Variants in SF3B3 observed in about 807,000 individuals in gnomAD.
SF3B3 encodes SAP 130.
SF3B3 carries 33 observed loss-of-function variants against 139.2 expected under a neutral mutation model. The observed-to-expected ratio is 0.24, with a 90% CI of 0.18 to 0.32. The LOEUF is 0.32. Ranked by LOEUF, SF3B3 falls within the 10% of genes least tolerant of loss-of-function variation. The probability of loss-of-function intolerance (pLI) is 1.00; values close to 1 mark genes in which losing one functional copy is unlikely to be tolerated. For synonymous variants in SF3B3, 596 were observed against 563.6 expected (o/e 1.06, Z -0.81); for missense variants, 818 against 1,509.4 (o/e 0.54, Z 7.59).
At chr16:70,535,819 A>G (rs1459946914) in intron 6 of SF3B3, among the ~76,000 whole-genome samples, 1 of 152,042 alleles carries the variant, frequency 6.6e-6, no homozygotes. Flanking sequence ...ACAATGAACA[A>G]TGAATTCCCA....
At chr16:70,565,921 A>T (rs908706828) in intron 20 of SF3B3, among the ~76,000 whole-genome samples, 3 of 152,018 alleles carry the variant, frequency 2.0e-5, no homozygotes, top group Admixed American at 2.0e-4. Context: ...GTTCGAGACC[A>T]GCCCGGCCAA....
Position 70,565,202 on chromosome 16 carries a change from A to G in SF3B3, c.2601A>G (p.Arg867=). 6.2e-7 allele frequency: 1 copy of G among 1,614,200 alleles called. No homozygotes were observed. Among genetic ancestry groups the G allele is most frequent in the Non-Finnish European group, 8.5e-7 (1 of 1,180,036 alleles). ...ATGGGCAGTGGGCCTCTGTGATCCG[A>G]GTGATGAATCCCATTCAAGGGAACA... ...AGNGQWASVI[R]VMNPIQGNTL... Residue 867 remains arginine (R), a synonymous_variant, in exon 19 of 26, where the codon CGA becomes CGG. Transcript: ENST00000302516.
At chr16:70,537,092 A>T (rs948793012) in intron 6 of SF3B3, among the ~76,000 whole-genome samples, 7 of 152,176 alleles carry the variant, frequency 4.6e-5, no homozygotes, top group African/African-American at 1.7e-4. Flanking sequence ...TACAGGCGTG[A>T]GCCACTGCGC....
chr16:70,531,449 G>A lies in SF3B3; in HGVS notation c.570+532G>A, dbSNP rs111935128. On this transcript the variant is annotated intron_variant, in intron 4 of 25. Transcript: ENST00000302516. ...CTGCCACAACGCCCAGCTAATTTTT[G>A]TATTTTTAGTAGAGATGGGGTTTCA... Among the ~76,000 whole-genome samples, 15 of 152,174 alleles carry A rather than the reference G, an allele frequency of 9.9e-5. 1 individual carries two copies. Among genetic ancestry groups the A allele is most frequent in the African/African-American group, 3.6e-4 (15 of 41,542 alleles).
intron 24 of SF3B3, 142 bp downstream of exon 24, chr16:70,570,291 G>T: frequency 4.4e-6 from 3 of 678,158 alleles, no homozygotes; most frequent in Non-Finnish European, 6.9e-6. Flanking sequence ...TACTTGGGGA[G>T]ATAGGAATCT....
intron 11 of SF3B3, among the ~76,000 whole-genome samples, chr16:70,552,560 G>A (rs2050337782): frequency 6.6e-6 from 1 of 152,166 alleles, no homozygotes. Context: ...TTTGATATAT[G>A]TTGACAGTTC....
chr16:70,527,275 T>G (rs1186504847), intron 2 of SF3B3, among the ~76,000 whole-genome samples: 1 of 152,244 alleles, frequency 6.6e-6, no homozygotes, highest in Non-Finnish European at 1.5e-5. Flanking sequence ...AGGCTAGGTT[T>G]GAATTGTGTG....
At chr16:70,555,474 T>A (rs2050370919) in intron 13 of SF3B3, among the ~76,000 whole-genome samples, 1 of 99,912 alleles carries the variant, frequency 1.0e-5, no homozygotes, top group Non-Finnish European at 1.9e-5. Flanking sequence ...CAAGACTCCG[T>A]CTCAAAAAAA....
At position 70,568,316 on chromosome 16, in the gene SF3B3, A is replaced by G. The variant is rs145819762; in HGVS notation, c.2986A>G (p.Ile996Val). Residue 996 changes from isoleucine (I) to valine (V), a missense_variant, in exon 22 of 26, where the codon ATC becomes GTC. Ile to Val is a conservative substitution (Grantham distance 29). Transcript: ENST00000302516. ...CAATTATATCTCTGGGATCCAGACTATCGGACATAGGGTAATTGTATCTGA... is the reference window on the plus strand; with the variant it reads ...CAATTATATCTCTGGGATCCAGACTGTCGGACATAGGGTAATTGTATCTGA... ...IANYISGIQT[I>V]GHRVIVSDVQ... is the part of the protein sequence containing the mutation. 2.2e-3 allele frequency: 3,564 copies of G among 1,613,212 alleles called. 6 individuals carry two copies. Among genetic ancestry groups the G allele is most frequent in the Non-Finnish European group, 2.6e-3 (3,103 of 1,179,170 alleles).
Position 70,526,672 on chromosome 16 carries a change from T to C in SF3B3, c.16T>C (p.Leu6=), listed in dbSNP as rs1567407223. MFLYN[L]TLQRATGISF... The stretch of plus-strand genomic sequence containing the variant: ...TCCTGCAGCCATGTTTCTGTACAAC[T>C]TAACCTTGCAGAGAGCCACTGGCAT... Residue 6 remains leucine, a synonymous_variant, in exon 2 of 26, where the codon TTA becomes CTA. Coordinates refer to ENST00000302516, the MANE Select transcript of SF3B3 (RefSeq NM_012426.5). 3.1e-6 allele frequency: 5 copies of C among 1,614,046 alleles called. No individual in the cohort carries two copies. Among genetic ancestry groups the C allele is most frequent in the African/African-American group, 1.3e-5 (1 of 74,944 alleles).
chr16:70,553,346 G>T (rs960817590), intron 11 of SF3B3, among the ~76,000 whole-genome samples: 1 of 152,104 alleles, frequency 6.6e-6, no homozygotes, highest in Non-Finnish European at 1.5e-5. Flanking sequence ...TGCCCTTCAT[G>T]TGGGTGGGTG....
intron 6 of SF3B3, 131 bp downstream of exon 6, chr16:70,535,551 C>A: frequency 2.3e-6 from 1 of 441,858 alleles, no homozygotes; most frequent in Non-Finnish European, 4.1e-6. Flanking sequence ...GGGGCAGGGA[C>A]GTAAATGTTG....
chr16:70,565,556 T>C, intron 20 of SF3B3, 32 bp downstream of exon 20: 1 of 1,591,280 alleles, frequency 6.3e-7, no homozygotes. Flanking sequence ...TCCTAGATTT[T>C]AAGTCCCATT....
chr16:70,561,576 T>C (rs1024781759), intron 16 of SF3B3, 54 bp from the exon 17 acceptor site: 17 of 1,539,386 alleles, frequency 1.1e-5, no homozygotes, highest in Non-Finnish European at 1.4e-5. Context: ...GCTTATACCA[T>C]ATTTGTATTT....
intron 18 of SF3B3, among the ~76,000 whole-genome samples, chr16:70,564,358 C>T (rs977322486): frequency 3.3e-5 from 5 of 152,148 alleles, no homozygotes; most frequent in African/African-American, 9.7e-5. Context: ...ACTCTGGACA[C>T]GAGACTCTAT....
chr16:70,560,741 C>A, intron 16 of SF3B3, 150 bp downstream of exon 16: 2 of 792,798 alleles, frequency 2.5e-6, no homozygotes, highest in Non-Finnish European at 3.9e-6. Context: ...TTTTCCTAAC[C>A]TAGAGCTTCC....
Position 70,567,521 on chromosome 16 carries a change from A to G in SF3B3, c.2937A>G (p.Arg979=), listed in dbSNP as rs368657608. Residue 979 remains arginine (R), a synonymous_variant, in exon 21 of 26, where the codon CGA becomes CGG. Transcript: ENST00000302516. ...VYDLGKKKLL[R]KCENKHIANY... ...ACCTGGGAAAGAAGAAGTTACTCCG[A>G]AAATGTGAGAATAAGGTAAGTGTGC... 65 of 1,613,696 alleles carry G rather than the reference A, an allele frequency of 4.0e-5. No homozygotes were observed. Among genetic ancestry groups the G allele is most frequent in the Non-Finnish European group, 1.0e-5 (12 of 1,179,852 alleles).
At chr16:70,563,058 C>A (rs1016792661) in intron 17 of SF3B3, among the ~76,000 whole-genome samples, 3 of 152,164 alleles carry the variant, frequency 2.0e-5, no homozygotes, top group Non-Finnish European at 2.9e-5. Flanking sequence ...GTCTTGAGCT[C>A]CTGGGCTCAA....
chr16:70,543,520 C>T (rs1446835455), intron 9 of SF3B3, among the ~76,000 whole-genome samples: 2 of 151,688 alleles, frequency 1.3e-5, no homozygotes, highest in African/African-American at 4.8e-5. Flanking sequence ...CTGTCCTGGC[C>T]AACACGGTGA....
Sources: gnomAD v4.1 joint callset for allele counts (sites outside exome capture counted in the v4.1 genomes callset) on GRCh38, gnomAD v4.1.1 for gene constraint, MANE v1.5 for transcripts, NCBI Gene and HGNC (gene_info 2026-07-23, HGNC 2026-07-21) for gene names.